The following LRGUK variants were observed in gnomAD, a reference collection of about 807,000 sequenced individuals.
The protein encoded by LRGUK is leucine rich repeats and guanylate kinase domain containing.
LRGUK carries 65 observed loss-of-function variants against 76.0 expected under a neutral mutation model. The ratio of observed to expected loss-of-function variants is 0.85; its 90% CI spans 0.70 to 1.05. LRGUK has a LOEUF of 1.05. Ranked by LOEUF, LRGUK falls within the 50% of genes least tolerant of loss-of-function variation. The pLI, the probability that LRGUK is intolerant of heterozygous loss-of-function variation, is 0.00. For missense variants in LRGUK, 758 were observed against 732.8 expected (o/e 1.03, Z -0.40); for synonymous variants, 268 against 265.6 (o/e 1.01, Z -0.09).
intron 16 of LRGUK, among the ~76,000 whole-genome samples, chr7:134,229,136 G>A (rs1221021823): frequency 6.6e-6 from 1 of 152,136 alleles, no homozygotes; most frequent in Non-Finnish European, 1.5e-5. Context: ...AGTACTTTGG[G>A]AGGCTGAGAT....
At chr7:134,235,998 A>G (rs1050660774) in intron 16 of LRGUK, among the ~76,000 whole-genome samples, 4 of 152,242 alleles carry the variant, frequency 2.6e-5, no homozygotes, top group African/African-American at 4.8e-5. Context: ...TAAGATATTA[A>G]TAGGTAAGAA....
Position 134,235,750 on chromosome 7 carries a change from G to C in LRGUK, c.1984-11806G>C, listed in dbSNP as rs551454256. Among the ~76,000 whole-genome samples the C allele has an allele frequency of 5.9e-5, 9 of 152,268 alleles. No homozygotes were observed. The South Asian group carries it at 1.9e-3, about 32-fold the overall frequency. On this transcript the variant is annotated intron_variant, in intron 16 of 19. Transcript: ENST00000285928. The stretch of plus-strand genomic sequence containing the variant: ...TGTTGAATGAATGAAGGAACAGGGG[G>C]AAGTATAGTTTAGAGCACTGTCATG...
intron 19 of LRGUK, among the ~76,000 whole-genome samples, chr7:134,261,431 C>A (rs1472667445): frequency 5.3e-5 from 8 of 151,970 alleles, no homozygotes; most frequent in African/African-American, 1.9e-4. Context: ...TCCCATATTC[C>A]CTATTAATCT....
At chr7:134,222,694 C>T (rs550799269) in intron 16 of LRGUK, among the ~76,000 whole-genome samples, 12 of 152,050 alleles carry the variant, frequency 7.9e-5, no homozygotes, top group Admixed American at 1.3e-4. Flanking sequence ...TCGCAACCTC[C>T]GCCTCCCAGG....
intron 18 of LRGUK, 57 bp from the exon 19 acceptor site, chr7:134,258,200 C>T: frequency 6.2e-6 from 10 of 1,605,532 alleles, no homozygotes; most frequent in Non-Finnish European, 8.5e-6. Context: ...GATCGTGTGG[C>T]CATTAGTAGC....
chr7:134,187,342 A>C (rs1176582671), intron 11 of LRGUK, among the ~76,000 whole-genome samples: 2 of 152,218 alleles, frequency 1.3e-5, no homozygotes, highest in African/African-American at 4.8e-5. Context: ...GTGAAACATA[A>C]AAGCATTTAC....
chr7:134,175,125 G>A (rs755126790), intron 8 of LRGUK, among the ~76,000 whole-genome samples: 1 of 152,142 alleles, frequency 6.6e-6, no homozygotes, highest in Non-Finnish European at 1.5e-5. Context: ...AATAATTATA[G>A]AACAGAATAA....
chr7:134,165,460 C>CTTT (rs1292873132), intron 7 of LRGUK, among the ~76,000 whole-genome samples: 18 of 152,134 alleles, frequency 1.2e-4, no homozygotes, highest in Admixed American at 3.3e-4. Context: ...TGTTGTAATG[C>CTTT]CCCAATACAG....
intron 9 of LRGUK, 44 bp downstream of exon 9, chr7:134,177,107 A>G (rs1799516800): frequency 1.6e-6 from 2 of 1,256,540 alleles, no homozygotes; most frequent in Non-Finnish European, 2.3e-6. Context: ...TATTGGGTTA[A>G]TATGCTCAAA....
chr7:134,244,489 C>A (rs565865131), intron 16 of LRGUK, among the ~76,000 whole-genome samples: 3 of 152,228 alleles, frequency 2.0e-5, no homozygotes, highest in African/African-American at 4.8e-5. Context: ...AAATGCAAAT[C>A]AAAACCACAA....
intron 11 of LRGUK, among the ~76,000 whole-genome samples, chr7:134,184,672 G>A (rs1463618116): frequency 6.6e-6 from 1 of 152,132 alleles, no homozygotes; most frequent in Non-Finnish European, 1.5e-5. Flanking sequence ...AAGCAAACCA[G>A]CATGGCTCAT....
At chr7:134,260,692 G>A (rs1378548907) in intron 19 of LRGUK, among the ~76,000 whole-genome samples, 2 of 152,078 alleles carry the variant, frequency 1.3e-5, no homozygotes, top group African/African-American at 4.8e-5. Context: ...GCTTGTTGGG[G>A]CTTTAGCTGT....
chr7:134,134,768 T>C (rs1797455913), intron 1 of LRGUK, among the ~76,000 whole-genome samples: 1 of 152,164 alleles, frequency 6.6e-6, no homozygotes, highest in African/African-American at 2.4e-5. Context: ...GAAAAGTAAA[T>C]GTGTTTTGCC....
At chr7:134,127,432 G>T in exon 1 of LRGUK, 1 of 1,613,950 alleles carries the variant, frequency 6.2e-7, no homozygotes. Context: ...GGCTTGGGCA[G>T]ATCCCGAACT....
chr7:134,205,373 C>G lies in LRGUK; in HGVS notation c.1844-3334C>G, dbSNP rs1030628653. Among the ~76,000 whole-genome samples the G allele has an allele frequency of 4.6e-5, 7 of 152,274 alleles. 2 individuals are homozygous for G. The highest frequency in any genetic ancestry group is 4.6e-4 in the Admixed American group (7 of 15,298). ...AAGTCCAGCTGGCCTCACCTCTCAT[C>G]AGCACTCCCCAGGAAGGGACCCAGA... On this transcript the variant is annotated intron_variant, in intron 15 of 15. Transcript: ENST00000645682.
At chr7:134,258,202 A>G in intron 18 of LRGUK, 55 bp from the exon 19 acceptor site, 3 of 1,608,116 alleles carry the variant, frequency 1.9e-6, no homozygotes, top group Non-Finnish European at 2.6e-6. Flanking sequence ...TCGTGTGGCC[A>G]TTAGTAGCGA....
At position 134,176,601 on chromosome 7, in the gene LRGUK, C is replaced by T. The variant is rs561277224; in HGVS notation, c.1021-376C>T. Among the ~76,000 whole-genome samples the T allele has an allele frequency of 3.3e-5, 5 of 152,166 alleles. 1 individual carries two copies. The South Asian group carries it at 6.2e-4, about 19-fold the overall frequency. ...TTCACCATGTTAGCCAGGATGTTCT[C>T]GATCTCCTGATCTCGTGATCTGCCT... is the stretch of plus-strand genomic sequence containing the variant. On this transcript the variant is annotated intron_variant, in intron 8 of 15. Coordinates refer to ENST00000645682, the Ensembl canonical transcript of LRGUK.
chr7:134,241,733 C>A (rs1466519922), intron 16 of LRGUK, among the ~76,000 whole-genome samples: 4 of 152,170 alleles, frequency 2.6e-5, no homozygotes, highest in South Asian at 2.1e-4. Flanking sequence ...ACTCTCCACC[C>A]CAAATCAACA....
intron 15 of LRGUK, among the ~76,000 whole-genome samples, chr7:134,202,329 A>C (rs79695816): frequency 4.0e-5 from 6 of 150,804 alleles, no homozygotes; most frequent in African/African-American, 9.8e-5. Context: ...AAAAAAAAAA[A>C]CAGAAATTAA....
Sources: gnomAD v4.1 joint callset for allele counts (sites outside exome capture counted in the v4.1 genomes callset) on GRCh38, gnomAD v4.1.1 for gene constraint, MANE v1.5 for transcripts, NCBI Gene and HGNC (gene_info 2026-07-23, HGNC 2026-07-21) for gene names.